Variants in NKAIN2 observed in about 807,000 individuals in gnomAD.
The protein encoded by NKAIN2 is sodium/potassium-transporting ATPase subunit beta-1-interacting protein 2.
NKAIN2 carries 14 observed loss-of-function variants against 32.6 expected under a neutral mutation model. The observed-to-expected ratio is 0.43, with a 90% CI of 0.28 to 0.67. The LOEUF is 0.67. Among genes scored for constraint, NKAIN2 ranks in the 30% least tolerant of loss-of-function variants. The pLI is 0.17. For missense variants in NKAIN2, 198 were observed against 258.3 expected (o/e 0.77, Z 1.60); for synonymous variants, 80 against 87.2 (o/e 0.92, Z 0.46).
intron 4 of NKAIN2, among the ~76,000 whole-genome samples, chr6:124,695,288 T>C (rs1334196321): frequency 1.3e-5 from 2 of 152,170 alleles, no homozygotes; most frequent in Non-Finnish European, 2.9e-5. Flanking sequence ...TACTTTAGAC[T>C]GCAGAAGATT....
intron 4 of NKAIN2, among the ~76,000 whole-genome samples, chr6:124,713,815 C>A (rs747524427): frequency 6.6e-6 from 1 of 152,116 alleles, no homozygotes. Flanking sequence ...AGAACTATCC[C>A]AAAATATAAT....
chr6:123,817,536 C>T (rs971245576), intron 1 of NKAIN2, among the ~76,000 whole-genome samples: 1 of 152,048 alleles, frequency 6.6e-6, no homozygotes, highest in Non-Finnish European at 1.5e-5. Flanking sequence ...TGGAGCCTGA[C>T]GGTTGCAGAC....
At chr6:124,734,174 A>T (rs148838581) in intron 4 of NKAIN2, among the ~76,000 whole-genome samples, 1 of 151,772 alleles carries the variant, frequency 6.6e-6, no homozygotes, top group Non-Finnish European at 1.5e-5. Context: ...AGTGGAAATC[A>T]TATGTTCAAG....
chr6:123,875,360 A>G (rs934936036), intron 1 of NKAIN2, among the ~76,000 whole-genome samples: 1 of 151,926 alleles, frequency 6.6e-6, no homozygotes, highest in African/African-American at 2.4e-5. Flanking sequence ...TGCCAACTTG[A>G]TTTTTAAAAA....
chr6:124,623,854 C>T (rs767248717), intron 3 of NKAIN2, among the ~76,000 whole-genome samples: 4 of 152,062 alleles, frequency 2.6e-5, no homozygotes, highest in Admixed American at 2.0e-4. Context: ...GTTTTCCTGG[C>T]CTTTGGTACA....
chr6:124,818,091 A>G (rs1211526830), intron 5 of NKAIN2, among the ~76,000 whole-genome samples: 1 of 151,778 alleles, frequency 6.6e-6, no homozygotes, highest in African/African-American at 2.4e-5. Context: ...GATGAATTCT[A>G]TTACTCCAAT....
intron 1 of NKAIN2, among the ~76,000 whole-genome samples, chr6:124,039,161 G>T (rs151055348): frequency 8.6e-5 from 13 of 152,030 alleles, no homozygotes; most frequent in African/African-American, 2.6e-4. Context: ...AAATATTAAT[G>T]TTACCAATAA....
rs1246831742 is a variant in NKAIN2 at position 124,003,394 on chromosome 6, GAAAGAACCCAT to G, written c.54+199142_54+199152del. On this transcript the variant is annotated intron_variant, in intron 1 of 6. Transcript: ENST00000368417. ...GCATACAGATCGTTAAACTCAACAT[GAAAGAACCCAT>G]ATTTCACCTCTGATGGTACCATCAT... is the stretch of plus-strand genomic sequence containing the variant. Among the ~76,000 whole-genome samples, 5 of 152,058 alleles carry G rather than the reference GAAAGAACCCAT, an allele frequency of 3.3e-5. No homozygotes were observed. The East Asian group carries it at 9.6e-4, about 29-fold the overall frequency.
chr6:124,661,579 G>A (rs1784746250), intron 4 of NKAIN2, among the ~76,000 whole-genome samples: 1 of 152,152 alleles, frequency 6.6e-6, no homozygotes, highest in Non-Finnish European at 1.5e-5. Context: ...AGGAAGACAA[G>A]TATAATATCC....
intron 1 of NKAIN2, among the ~76,000 whole-genome samples, chr6:124,225,130 TAA>T (rs1352271755): frequency 5.3e-5 from 8 of 152,020 alleles, no homozygotes; most frequent in Non-Finnish European, 1.2e-4. Context: ...TCATAAAAAA[TAA>T]AGATGAAATA....
chr6:124,204,381 T>A (rs568955386), intron 1 of NKAIN2, among the ~76,000 whole-genome samples: 2 of 151,890 alleles, frequency 1.3e-5, no homozygotes, highest in South Asian at 4.1e-4. Context: ...ACAGATTTTT[T>A]AGGTTTTAAA....
chr6:123,911,834 C>T (rs1400664702), intron 1 of NKAIN2, among the ~76,000 whole-genome samples: 15 of 75,294 alleles, frequency 2.0e-4, no homozygotes, highest in Admixed American at 5.2e-4. Flanking sequence ...CACACACACA[C>T]ACACACACAC....
intron 4 of NKAIN2, among the ~76,000 whole-genome samples, chr6:124,731,622 G>A (rs1043184399): frequency 6.6e-6 from 1 of 150,698 alleles, no homozygotes; most frequent in Middle Eastern, 3.2e-3. Flanking sequence ...TGACGAGTTA[G>A]TGGGTGCAGT....
chr6:124,002,921 T>G (rs1779935944), intron 1 of NKAIN2, among the ~76,000 whole-genome samples: 1 of 152,122 alleles, frequency 6.6e-6, no homozygotes, highest in African/African-American at 2.4e-5. Context: ...CTGAACCAAC[T>G]TAAGTTCTAA....
chr6:124,642,754 G>C (rs1042043454), intron 3 of NKAIN2, among the ~76,000 whole-genome samples: 13 of 152,080 alleles, frequency 8.5e-5, no homozygotes, highest in African/African-American at 2.9e-4. Flanking sequence ...TGTAAATATT[G>C]ATACTTCCCA....
In NKAIN2 at chr6:123,978,054, T is replaced by C. The variant is rs572667705; in HGVS notation, c.54+173800T>C. 1.4e-4 allele frequency among the ~76,000 whole-genome samples: 21 copies of C among 152,344 alleles called. No individual in the cohort carries two copies. In the South Asian group the frequency reaches 1.9e-3, roughly 14 times the overall value. On this transcript the variant is annotated intron_variant, in intron 1 of 6. Coordinates refer to ENST00000368417, the MANE Select transcript of NKAIN2 (RefSeq NM_001040214.3). ...TCTGCTTTTAACTTAATACTTATCA[T>C]GTTTATGCACCTTTAAGAAACACTC...
At chr6:123,816,015 T>C (rs1296003110) in intron 1 of NKAIN2, among the ~76,000 whole-genome samples, 5 of 152,164 alleles carry the variant, frequency 3.3e-5, no homozygotes, top group Non-Finnish European at 5.9e-5. Flanking sequence ...GGATTATTTA[T>C]CTCCTCATAG....
chr6:124,364,317 C>T (rs1171780472), intron 3 of NKAIN2, among the ~76,000 whole-genome samples: 2 of 148,760 alleles, frequency 1.3e-5, no homozygotes, highest in Non-Finnish European at 3.0e-5. Context: ...TATTGAATTA[C>T]CAGGATAAAA....
At chr6:124,042,112 A>G (rs1781898761) in intron 1 of NKAIN2, among the ~76,000 whole-genome samples, 1 of 152,104 alleles carries the variant, frequency 6.6e-6, no homozygotes, top group Non-Finnish European at 1.5e-5. Context: ...CCTCGGACTT[A>G]CCACGGAAAG....
Sources: gnomAD v4.1 joint callset for allele counts (sites outside exome capture counted in the v4.1 genomes callset) on GRCh38, gnomAD v4.1.1 for gene constraint, MANE v1.5 for transcripts, NCBI Gene and HGNC (gene_info 2026-07-23, HGNC 2026-07-21) for gene names.